The following MBNL2 variants were observed in gnomAD, a reference collection of about 807,000 sequenced individuals.
MBNL2 encodes the protein muscleblind-like protein 2.
A neutral mutation model predicts 41.9 loss-of-function variants in MBNL2; 17 were observed. That is an observed-to-expected ratio of 0.41 (90% CI 0.28 to 0.61). MBNL2 has a LOEUF of 0.61. Among genes scored for constraint, MBNL2 ranks in the 20% least tolerant of loss-of-function variants. MBNL2 has a pLI of 0.35. For missense variants in MBNL2, 336 were observed against 505.6 expected (o/e 0.66, Z 3.22); for synonymous variants, 195 against 182.9 (o/e 1.07, Z -0.53).
chr13:97,355,793 T>C (rs2062932724), intron 5 of MBNL2, among the ~76,000 whole-genome samples: 1 of 152,230 alleles, frequency 6.6e-6, no homozygotes, highest in African/African-American at 2.4e-5. Context: ...TTTAGCTGTT[T>C]GCTATTTTTA....
At chr13:97,245,454 C>T (rs898530851) in intron 1 of MBNL2, among the ~76,000 whole-genome samples, 3 of 152,166 alleles carry the variant, frequency 2.0e-5, no homozygotes, top group East Asian at 1.9e-4. Context: ...AGTCATCCCC[C>T]GTCTTCTCCC....
chr13:97,343,554 AG>A (rs35388972), intron 4 of MBNL2, among the ~76,000 whole-genome samples: 22,741 of 152,158 alleles, frequency 0.15, 2,598 homozygotes, highest in African/African-American at 0.32. Context: ...CCTCATGTCA[AG>A]GTGTAATCCT....
chr13:97,205,028 T>C, the MBNL2 span, among the ~76,000 whole-genome samples: 1 of 151,670 alleles, frequency 6.6e-6, no homozygotes, highest in Non-Finnish European at 1.5e-5. Context: ...AAAAATTAGC[T>C]GGGCATGGTG....
chr13:97,195,823 T>A, the MBNL2 span, among the ~76,000 whole-genome samples: 1 of 152,222 alleles, frequency 6.6e-6, no homozygotes, highest in Non-Finnish European at 1.5e-5. Flanking sequence ...TCCATTTTAA[T>A]TACGAGAGCC....
At chr13:97,217,544 G>A (rs373753427), upstream of MBNL2, among the ~76,000 whole-genome samples, 36 of 152,260 alleles carry the variant, frequency 2.4e-4, no homozygotes, top group East Asian at 5.4e-3. Flanking sequence ...AGATGGGTGT[G>A]AAAGGAATAG....
the MBNL2 span, among the ~76,000 whole-genome samples, chr13:97,194,542 G>T: frequency 6.6e-6 from 1 of 152,182 alleles, no homozygotes; most frequent in South Asian, 2.1e-4. Flanking sequence ...CTTGAATAAG[G>T]GCAGGGTAAA....
chr13:97,299,336 C>G (rs1177028593), intron 2 of MBNL2, among the ~76,000 whole-genome samples: 1 of 152,110 alleles, frequency 6.6e-6, no homozygotes, highest in Non-Finnish European at 1.5e-5. Context: ...CACAAGGTTC[C>G]TGCCATCAGG....
chr13:97,204,907 C>T, the MBNL2 span, among the ~76,000 whole-genome samples: 1 of 152,012 alleles, frequency 6.6e-6, no homozygotes, highest in East Asian at 1.9e-4. Flanking sequence ...AACCCCAACT[C>T]TACTAAAAAT....
chr13:97,333,457 A>T (rs780046030), intron 2 of MBNL2, among the ~76,000 whole-genome samples: 9 of 152,208 alleles, frequency 5.9e-5, no homozygotes, highest in Non-Finnish European at 1.0e-4. Flanking sequence ...TCACATCATG[A>T]CATCAGATTT....
At chr13:97,155,262 T>C in the MBNL2 span, among the ~76,000 whole-genome samples, 1 of 152,138 alleles carries the variant, frequency 6.6e-6, no homozygotes, top group Non-Finnish European at 1.5e-5. Context: ...GGTTAATATA[T>C]ATTTTTTATA....
chr13:97,346,809 C>T lies in MBNL2; in HGVS notation c.546C>T (p.Cys182=), dbSNP rs1411505389. Residue 182 remains cysteine (C), a synonymous_variant, in exon 5 of 9, where the codon TGC becomes TGT. Coordinates refer to ENST00000679496, the MANE Select transcript of MBNL2 (RefSeq NM_001382683.1). The surrounding 1 kb of genome is among the most constrained non-coding windows in gnomAD (Gnocchi z 4.2). ...GCTCTTCTTCCCTGTCTTAGGTATGCAGGGAGTTCCAGCGAGGAAACTGTG... is the reference window on the plus strand; with the variant it reads ...GCTCTTCTTCCCTGTCTTAGGTATGTAGGGAGTTCCAGCGAGGAAACTGTG... ...KLLRTDKLEV[C]REFQRGNCAR... The T allele has an allele frequency of 3.1e-6, 5 of 1,613,794 alleles. No individual in the cohort carries two copies. The South Asian group carries it at 5.5e-5, about 18-fold the overall frequency.
intron 2 of MBNL2, among the ~76,000 whole-genome samples, chr13:97,315,050 G>T (rs919609600): frequency 3.9e-5 from 6 of 152,062 alleles, no homozygotes; most frequent in African/African-American, 1.4e-4. Flanking sequence ...GTAGAAGTTT[G>T]CTTATTGATA....
rs2061886469 is a variant in MBNL2 at position 97,346,501 on chromosome 13, T to C, written c.541-303T>C. ...GACAGATCGATAGACAGCTGCATAA[T>C]ATGCTACCCAGGGACAATGGAGGCC... On this transcript the variant is annotated intron_variant, in intron 4 of 8. Transcript: ENST00000679496. This position sits in a 1 kb window ranked among gnomAD's most constrained non-coding sequence, Gnocchi z 4.2. 6.6e-6 allele frequency among the ~76,000 whole-genome samples: 1 copy of C among 152,220 alleles called. No homozygotes were observed. Among genetic ancestry groups the C allele is most frequent in the African/African-American group, 2.4e-5 (1 of 41,458 alleles).
intron 8 of MBNL2, 26 bp downstream of exon 8, chr13:97,365,197 CT>C: frequency 6.6e-7 from 1 of 1,507,844 alleles, no homozygotes; most frequent in Non-Finnish European, 9.2e-7. Flanking sequence ...TTTTATTTGT[CT>C]TTTATATGAT....
chr13:97,182,961 A>G, the MBNL2 span, among the ~76,000 whole-genome samples: 78 of 152,336 alleles, frequency 5.1e-4, 1 homozygote, highest in Admixed American at 1.4e-3. Flanking sequence ...TGTTTGGAGA[A>G]TAAATTCAAG....
chr13:97,242,011 A>G (rs2044381427), intron 1 of MBNL2, among the ~76,000 whole-genome samples: 1 of 152,024 alleles, frequency 6.6e-6, no homozygotes, highest in Admixed American at 6.6e-5. Context: ...AAATTGCCTG[A>G]TTGAGGACAC....
chr13:97,348,872 C>T (rs762894347), intron 5 of MBNL2, among the ~76,000 whole-genome samples: 4 of 152,164 alleles, frequency 2.6e-5, no homozygotes, highest in South Asian at 2.1e-4. Flanking sequence ...ACATTGTTTG[C>T]GCAAATGTTT....
the MBNL2 span, among the ~76,000 whole-genome samples, chr13:97,212,796 G>C: frequency 2.0e-5 from 3 of 152,226 alleles, no homozygotes; most frequent in African/African-American, 7.2e-5. Flanking sequence ...GAGCACCCCA[G>C]AAGTGCTTGT....
the MBNL2 span, among the ~76,000 whole-genome samples, chr13:97,142,538 G>A: frequency 6.6e-6 from 1 of 152,214 alleles, no homozygotes; most frequent in African/African-American, 2.4e-5. Context: ...TAGTGTGGGT[G>A]TTCATCCCTA....
Sources: gnomAD v4.1 joint callset for allele counts (sites outside exome capture counted in the v4.1 genomes callset) on GRCh38, gnomAD v4.1.1 for gene constraint, Gnocchi (gnomAD v3.1) non-coding constraint, MANE v1.5 for transcripts, NCBI Gene and HGNC (gene_info 2026-07-23, HGNC 2026-07-21) for gene names.